LYPLAL1: variants seen among roughly 807,000 people sequenced by gnomAD.
LYPLAL1 encodes the protein lysophospholipase like 1, also known as lysophospholipase-like protein 1.
In LYPLAL1, 23 loss-of-function variants were observed where a neutral mutation model predicts 19.7. That is an observed-to-expected ratio of 1.17 (90% CI 0.84 to 1.65). The LOEUF is 1.65. LYPLAL1 is among the 40% of genes most tolerant of loss of function. The probability of loss-of-function intolerance (pLI) is 0.00; values close to 1 mark genes in which losing one functional copy is unlikely to be tolerated. For missense variants in LYPLAL1, 355 were observed against 279.4 expected (o/e 1.27, Z -1.93); for synonymous variants, 119 against 96.3 (o/e 1.24, Z -1.38).
the LYPLAL1 span, among the ~76,000 whole-genome samples, chr1:219,430,012 G>C: frequency 6.6e-6 from 1 of 152,096 alleles, no homozygotes; most frequent in Non-Finnish European, 1.5e-5. Context: ...CTCTTGTCTA[G>C]GTCAGACACA....
chr1:219,349,167 C>T, the LYPLAL1 span, among the ~76,000 whole-genome samples: 2 of 152,200 alleles, frequency 1.3e-5, no homozygotes, highest in Admixed American at 1.3e-4. Context: ...TGACTACATA[C>T]AAATAATTGA....
chr1:219,350,165 G>A, the LYPLAL1 span, among the ~76,000 whole-genome samples: 4 of 152,194 alleles, frequency 2.6e-5, no homozygotes, highest in African/African-American at 9.6e-5. Flanking sequence ...TATTTTTTAA[G>A]TGATTTTTTA....
the LYPLAL1 span, among the ~76,000 whole-genome samples, chr1:219,282,577 A>G: frequency 1.3e-5 from 2 of 151,842 alleles, no homozygotes; most frequent in Admixed American, 1.3e-4. Context: ...AAAAGATCCT[A>G]GAAGCTTCCA....
chr1:219,251,403 A>C, the LYPLAL1 span, among the ~76,000 whole-genome samples: 1 of 151,770 alleles, frequency 6.6e-6, no homozygotes, highest in Non-Finnish European at 1.5e-5. Context: ...GGGTTTTTAT[A>C]ATTTGGGGTT....
chr1:219,321,138 T>C, the LYPLAL1 span, among the ~76,000 whole-genome samples: 1 of 152,214 alleles, frequency 6.6e-6, no homozygotes, highest in Admixed American at 6.5e-5. Flanking sequence ...CCACTCTAAC[T>C]GGTGTGAGAT....
chr1:219,219,939 C>A, the LYPLAL1 span, among the ~76,000 whole-genome samples: 1 of 141,624 alleles, frequency 7.1e-6, no homozygotes, highest in Non-Finnish European at 1.6e-5. Flanking sequence ...TTTGGGAGAA[C>A]AACATCATGT....
the LYPLAL1 span, among the ~76,000 whole-genome samples, chr1:219,228,333 G>A: frequency 6.6e-6 from 1 of 152,178 alleles, no homozygotes; most frequent in Non-Finnish European, 1.5e-5. Flanking sequence ...TGCAGCACAT[G>A]TCTTTATGGA....
At chr1:219,268,408 A>G in the LYPLAL1 span, among the ~76,000 whole-genome samples, 2 of 152,226 alleles carry the variant, frequency 1.3e-5, no homozygotes, top group Admixed American at 1.3e-4. Context: ...TAAGGCCTCT[A>G]AACATGTACC....
chr1:219,420,119 G>A, the LYPLAL1 span, among the ~76,000 whole-genome samples: 2 of 152,166 alleles, frequency 1.3e-5, no homozygotes, highest in African/African-American at 4.8e-5. Flanking sequence ...GGAAGACTTG[G>A]GGCAAAGCCC....
At chr1:219,221,025 T>G in the LYPLAL1 span, among the ~76,000 whole-genome samples, 3 of 152,188 alleles carry the variant, frequency 2.0e-5, no homozygotes, top group Non-Finnish European at 4.4e-5. Flanking sequence ...ACCCATGCTG[T>G]GTGGCTGCCC....
chr1:219,343,850 C>A, the LYPLAL1 span, among the ~76,000 whole-genome samples: 1 of 142,746 alleles, frequency 7.0e-6, no homozygotes, highest in Admixed American at 7.2e-5. Flanking sequence ...GCATATCTAC[C>A]CACTATCCAA....
chr1:219,203,561 G>C, intron 3 of LYPLAL1, among the ~76,000 whole-genome samples: 1 of 152,182 alleles, frequency 6.6e-6, no homozygotes, highest in East Asian at 1.9e-4. Context: ...CTTTCTGGGA[G>C]TTGGGAACTG....
intron 1 of LYPLAL1, among the ~76,000 whole-genome samples, chr1:219,178,499 C>G (rs1655999076): frequency 6.6e-6 from 1 of 152,178 alleles, no homozygotes; most frequent in African/African-American, 2.4e-5. Context: ...ATTTCCTCCT[C>G]AGGACTCCAT....
chr1:219,319,554 T>C, the LYPLAL1 span, among the ~76,000 whole-genome samples: 1 of 152,120 alleles, frequency 6.6e-6, no homozygotes, highest in Non-Finnish European at 1.5e-5. Flanking sequence ...AGCAAACCTT[T>C]TCTCCGCACT....
At chr1:219,380,574 A>G in the LYPLAL1 span, among the ~76,000 whole-genome samples, 1 of 152,186 alleles carries the variant, frequency 6.6e-6, no homozygotes, top group Non-Finnish European at 1.5e-5. Flanking sequence ...GTTTTCTTGG[A>G]GAAGGTCTAA....
the LYPLAL1 span, among the ~76,000 whole-genome samples, chr1:219,346,541 A>G: frequency 6.7e-6 from 1 of 150,108 alleles, no homozygotes; most frequent in Non-Finnish European, 1.5e-5. Context: ...GGGCTTTGGT[A>G]CTGAGCATCC....
intron 3 of LYPLAL1, chr1:219,200,156 T>A (rs1025709401): frequency 4.2e-6 from 1 of 237,160 alleles, no homozygotes; most frequent in African/African-American, 2.3e-5. Flanking sequence ...TTCTACATGC[T>A]TCTGGAATTG....
the LYPLAL1 span, among the ~76,000 whole-genome samples, chr1:219,247,483 A>G: frequency 6.6e-6 from 1 of 152,160 alleles, no homozygotes; most frequent in Admixed American, 6.5e-5. Context: ...TGGGCACTGC[A>G]TACTTCTTAA....
At chr1:219,325,446 G>A in the LYPLAL1 span, among the ~76,000 whole-genome samples, 3 of 152,172 alleles carry the variant, frequency 2.0e-5, no homozygotes, top group African/African-American at 4.8e-5. Flanking sequence ...AAATGGCACC[G>A]TCCCTTTCTT....
Sources: gnomAD v4.1 joint callset for allele counts (sites outside exome capture counted in the v4.1 genomes callset) on GRCh38, gnomAD v4.1.1 for gene constraint, MANE v1.5 for transcripts, NCBI Gene and HGNC (gene_info 2026-07-23, HGNC 2026-07-21) for gene names.